UBE4B: variants seen among roughly 807,000 people sequenced by gnomAD.
UBE4B encodes ubiquitination factor E4B.
A neutral mutation model predicts 148.1 loss-of-function variants in UBE4B; 27 were observed. The ratio of observed to expected loss-of-function variants is 0.18; its 90% CI spans 0.13 to 0.25. The LOEUF (loss-of-function observed/expected upper bound fraction) is 0.25, where lower values mean the gene tolerates loss of function less well. Ranked by LOEUF, UBE4B falls within the 10% of genes least tolerant of loss-of-function variation. UBE4B has a pLI of 1.00. For missense variants in UBE4B, 1,170 were observed against 1,662.4 expected, an observed-to-expected ratio of 0.70 and a Z score of 5.15; for synonymous variants, 596 against 619.3, an observed-to-expected ratio of 0.96 and a Z score of 0.56.
rs529783529 is a variant in UBE4B, at chr1:10,122,170, G to A, written c.1554+94G>A. 110 of 759,756 alleles carry A rather than the reference G, an allele frequency of 1.4e-4. No individual in the cohort carries two copies. In the African/African-American group the frequency reaches 1.8e-3, roughly 12 times the overall value. The allele number at this position is 759,756 out of a possible 1,614,324, so 47.1% of individuals were successfully genotyped here. A position where few individuals can be genotyped will look rare whatever the true frequency, so the allele number is the denominator to read the frequency against. On this transcript the variant is annotated intron_variant, in intron 10 of 27. Transcript: ENST00000343090. ...CCATTGAAAACTTTTGCCTGAATTCGAACATCCATGTGTTATTAGAGAGAA... is the reference window on the plus strand; with the variant it reads ...CCATTGAAAACTTTTGCCTGAATTCAAACATCCATGTGTTATTAGAGAGAA...
At chr1:10,071,400 A>G (rs988882836) in intron 1 of UBE4B, among the ~76,000 whole-genome samples, 1 of 152,128 alleles carries the variant, frequency 6.6e-6, no homozygotes, top group Non-Finnish European at 1.5e-5. Context: ...TGGGCAACAT[A>G]GTGAGACCTC....
chr1:10,046,590 C>T (rs1361040819), intron 1 of UBE4B, among the ~76,000 whole-genome samples: 4 of 152,156 alleles, frequency 2.6e-5, no homozygotes, highest in African/African-American at 2.4e-5. Flanking sequence ...GTTCTGACCT[C>T]GCCTTTCTGG....
At chr1:10,176,576 A>G (rs1646431804) in intron 25 of UBE4B, among the ~76,000 whole-genome samples, 3 of 151,988 alleles carry the variant, frequency 2.0e-5, no homozygotes, top group Admixed American at 6.6e-5. Flanking sequence ...TTTCTTAAAT[A>G]CTCATCCTAG....
In UBE4B at chr1:10,168,877, G is replaced by A. The variant is rs1646296071; in HGVS notation, c.3333+607G>A. 6.7e-6 allele frequency among the ~76,000 whole-genome samples: 1 copy of A among 148,780 alleles called. No homozygotes were observed. Among genetic ancestry groups the A allele is most frequent in the African/African-American group, 2.5e-5 (1 of 40,016 alleles). On this transcript the variant is annotated intron_variant, in intron 24 of 27. Coordinates refer to ENST00000343090, the MANE Select transcript of UBE4B (RefSeq NM_001105562.3). This position sits in a 1 kb window ranked among gnomAD's most constrained non-coding sequence, Gnocchi z 4.9. The stretch of plus-strand genomic sequence containing the variant: ...ACTGCACTCCAGCCTGGGCGACAGA[G>A]TGAGACTCCATCTCAAAAAAAAAAA...
At position 10,168,177 on chromosome 1, in the gene UBE4B, G is replaced by A. The variant is rs755809380; in HGVS notation, c.3240G>A (p.Glu1080=). ...QARQSQLAQD[E]RVSRSYLALA... is the part of the protein sequence containing the mutation. Reference sequence around the variant, plus strand: ...GTCAGTCTCAGCTTGCTCAGGATGAGCGTGTGTCCCGCTCTTACCTCGCCC... The same window carrying A: ...GTCAGTCTCAGCTTGCTCAGGATGAACGTGTGTCCCGCTCTTACCTCGCCC... Residue 1080 remains glutamate, a synonymous_variant, in exon 24 of 28, where the codon GAG becomes GAA. Coordinates refer to ENST00000343090, the MANE Select transcript of UBE4B (RefSeq NM_001105562.3). This position sits in a 1 kb window ranked among gnomAD's most constrained non-coding sequence, Gnocchi z 4.9. The A allele has an allele frequency of 5.0e-6, 8 of 1,614,164 alleles. No individual in the cohort carries two copies. The highest frequency in any genetic ancestry group is 1.1e-5 in the South Asian group (1 of 91,084).
chr1:10,096,489 T>C (rs897004785), intron 3 of UBE4B, among the ~76,000 whole-genome samples: 1 of 152,148 alleles, frequency 6.6e-6, no homozygotes, highest in Non-Finnish European at 1.5e-5. Flanking sequence ...CCTAGCACTT[T>C]GGGAGGCCGA....
chr1:10,150,354 A>G (rs1282792421), intron 20 of UBE4B, among the ~76,000 whole-genome samples: 2 of 152,214 alleles, frequency 1.3e-5, no homozygotes, highest in South Asian at 2.1e-4. Context: ...AATTTGTTCT[A>G]TGCACAGTGA....
At chr1:10,111,956 C>CA (rs56777705) in intron 7 of UBE4B, among the ~76,000 whole-genome samples, 9,072 of 123,052 alleles carry the variant, frequency 0.074, 789 homozygotes, top group African/African-American at 0.23. Flanking sequence ...GACTCTGTCT[C>CA]AAAAAAAAAA....
chr1:10,081,162 A>G (rs1458416136), intron 2 of UBE4B, among the ~76,000 whole-genome samples: 10 of 152,188 alleles, frequency 6.6e-5, no homozygotes. Context: ...TCCTGGGTTC[A>G]AACGATTCTC....
chr1:10,071,129 ACTC>A (rs1644476798), intron 1 of UBE4B, among the ~76,000 whole-genome samples: 1 of 151,430 alleles, frequency 6.6e-6, no homozygotes, highest in African/African-American at 2.4e-5. Context: ...CTGTTCTCGA[ACTC>A]CTGACCTCGT....
intron 7 of UBE4B, among the ~76,000 whole-genome samples, chr1:10,116,936 G>A (rs140545247): frequency 0.012 from 1,822 of 152,230 alleles, 32 homozygotes; most frequent in East Asian, 0.021. Context: ...TATGTCGATA[G>A]CAAATATGTT....
rs1203956370 is a variant in UBE4B, at chr1:10,130,623, A to G, written c.1812+7A>G. The stretch of plus-strand genomic sequence containing the variant: ...AGTCTTTGCAGAAGATGATGTAAGT[A>G]TAGTGGCTACTTGTACTTTGCTGCC... On this transcript the variant is annotated splice_region_variant and intron_variant, in intron 13 of 27. Transcript: ENST00000343090. The G allele has an allele frequency of 3.7e-6, 6 of 1,613,670 alleles. No homozygotes were observed. The highest frequency in any genetic ancestry group is 5.1e-6 in the Non-Finnish European group (6 of 1,179,642).
rs528233432 is a variant in UBE4B at position 10,041,931 on chromosome 1, A to G, written c.24+8237A>G. Reference sequence around the variant, plus strand: ...GCTGGTCTCAAACTCCTGACCTCAAATGATCCACCCACCTCAGCCTCCCAA... The same window carrying G: ...GCTGGTCTCAAACTCCTGACCTCAAGTGATCCACCCACCTCAGCCTCCCAA... On this transcript the variant is annotated intron_variant, in intron 1 of 27. Coordinates refer to ENST00000343090, the MANE Select transcript of UBE4B (RefSeq NM_001105562.3). 2.0e-5 allele frequency among the ~76,000 whole-genome samples: 3 copies of G among 151,926 alleles called. No homozygotes were observed. In the East Asian group the frequency reaches 5.8e-4, roughly 29 times the overall value.
chr1:10,179,609 G>T, intron 27 of UBE4B, 47 bp downstream of exon 27: 1 of 1,603,566 alleles, frequency 6.2e-7, no homozygotes. Flanking sequence ...TCAGTACCAA[G>T]AGATAAAGCC....
intron 8 of UBE4B, 21 bp downstream of exon 8, chr1:10,117,621 T>C: frequency 6.4e-7 from 1 of 1,553,152 alleles, no homozygotes; most frequent in Non-Finnish European, 8.6e-7. Context: ...ATGGATTAAC[T>C]TAAAAAAAAA....
intron 25 of UBE4B, among the ~76,000 whole-genome samples, chr1:10,175,575 T>A (rs556248711): frequency 6.6e-6 from 1 of 151,748 alleles, no homozygotes; most frequent in East Asian, 1.9e-4. Context: ...GGCGTGAACC[T>A]GGGAGGTGGA....
At position 10,101,283 on chromosome 1, in the gene UBE4B, A is replaced by G. The variant is rs1645005959; in HGVS notation, c.435+88A>G. The stretch of plus-strand genomic sequence containing the variant: ...CTGTAGAGTCTGTTAGATTGGGGCC[A>G]CCCGAAATCAGGAAGTCCTAGGCAG... On this transcript the variant is annotated intron_variant, in intron 4 of 27. Transcript: ENST00000343090. 3.0e-6 allele frequency: 4 copies of G among 1,312,128 alleles called. No individual in the cohort carries two copies. In the Admixed American group the frequency reaches 6.3e-5, roughly 21 times the overall value. The allele number at this position is 1,312,128 out of a possible 1,614,324, so 81.3% of individuals were successfully genotyped here.
chr1:10,157,870 C>A (rs1464880125), intron 21 of UBE4B, among the ~76,000 whole-genome samples: 1 of 152,116 alleles, frequency 6.6e-6, no homozygotes, highest in Non-Finnish European at 1.5e-5. Context: ...TGATTTTTAT[C>A]CCTCTTTAAT....
chr1:10,159,111 GT>G (rs1378260571), intron 22 of UBE4B, among the ~76,000 whole-genome samples: 2 of 152,102 alleles, frequency 1.3e-5, no homozygotes, highest in Non-Finnish European at 2.9e-5. Flanking sequence ...GTTAAATGAA[GT>G]TGTCAGAATG....
Sources: allele counts gnomAD v4.1 joint callset (sites outside exome capture counted in the v4.1 genomes callset), GRCh38; gene constraint gnomAD v4.1.1; non-coding constraint Gnocchi (gnomAD v3.1); transcripts MANE v1.5; gene names NCBI Gene and HGNC (gene_info 2026-07-23, HGNC 2026-07-21).